Variants in CNIH3 observed in about 807,000 individuals in gnomAD.
CNIH3 encodes protein cornichon homolog 3.
In CNIH3, 14 loss-of-function variants were observed where a neutral mutation model predicts 24.1. The observed-to-expected ratio is 0.58, with a 90% CI of 0.38 to 0.91. The LOEUF is 0.91. Among genes scored for constraint, CNIH3 ranks in the 40% least tolerant of loss-of-function variants. The pLI is 0.00. For missense variants in CNIH3, 178 were observed against 196.8 expected (o/e 0.90, Z 0.57); for synonymous variants, 68 against 73.8 (o/e 0.92, Z 0.40).
At position 224,720,702 on chromosome 1, in the gene CNIH3, C is replaced by T. The variant is rs148743133; in HGVS notation, c.199-9760C>T. Among the ~76,000 whole-genome samples the T allele has an allele frequency of 4.3e-4, 66 of 152,294 alleles. 1 individual carries two copies. The highest frequency in any genetic ancestry group is 9.8e-4 in the Admixed American group (15 of 15,296). On this transcript the variant is annotated intron_variant, in intron 3 of 5. Transcript: ENST00000272133. Reference sequence around the variant, plus strand: ...ACCTGTTTCTGCCCTAGTTCCCCTTCCTGTCACCATGCTCTTCCTTGTCAG... The same window carrying T: ...ACCTGTTTCTGCCCTAGTTCCCCTTTCTGTCACCATGCTCTTCCTTGTCAG...
intron 1 of CNIH3, among the ~76,000 whole-genome samples, chr1:224,449,557 G>A (rs1675305394): frequency 6.6e-6 from 1 of 151,972 alleles, no homozygotes; most frequent in East Asian, 1.9e-4. Context: ...GTGCAGTGGG[G>A]CAATCATAGC....
At chr1:224,462,160 C>T (rs1192541589) in intron 1 of CNIH3, among the ~76,000 whole-genome samples, 1 of 152,100 alleles carries the variant, frequency 6.6e-6, no homozygotes, top group Non-Finnish European at 1.5e-5. Flanking sequence ...CCTACATTGA[C>T]ATCACTATCA....
chr1:224,510,268 C>T (rs1309550570), intron 1 of CNIH3, among the ~76,000 whole-genome samples: 2 of 152,068 alleles, frequency 1.3e-5, no homozygotes, highest in East Asian at 3.9e-4. Flanking sequence ...TTGCCCCATT[C>T]CCCATGCAAA....
At chr1:224,706,316 T>G (rs1221060703) in intron 3 of CNIH3, among the ~76,000 whole-genome samples, 1 of 152,174 alleles carries the variant, frequency 6.6e-6, no homozygotes, top group African/African-American at 2.4e-5. Flanking sequence ...CCCACTTTAC[T>G]TACTGTCTCC....
chr1:224,699,610 C>G (rs1189917350), intron 3 of CNIH3, among the ~76,000 whole-genome samples: 1 of 152,164 alleles, frequency 6.6e-6, no homozygotes, highest in African/African-American at 2.4e-5. Context: ...TTTAAGGACA[C>G]TAGTCATACC....
chr1:224,494,282 A>G (rs1262134692), intron 1 of CNIH3, among the ~76,000 whole-genome samples: 1 of 152,182 alleles, frequency 6.6e-6, no homozygotes, highest in Non-Finnish European at 1.5e-5. Flanking sequence ...TCAACGTGCT[A>G]TCTAGTCCAA....
At chr1:224,609,322 A>T (rs1682575911) in intron 3 of CNIH3, among the ~76,000 whole-genome samples, 1 of 152,170 alleles carries the variant, frequency 6.6e-6, no homozygotes, top group African/African-American at 2.4e-5. Context: ...ATCTTTTAAA[A>T]TTTTATAATA....
intron 1 of CNIH3, among the ~76,000 whole-genome samples, chr1:224,668,092 G>T (rs140077280): frequency 6.6e-5 from 10 of 152,286 alleles, no homozygotes; most frequent in African/African-American, 2.4e-4. Flanking sequence ...TGCCAAGGAT[G>T]GAGCAAAAGG....
intron 1 of CNIH3, among the ~76,000 whole-genome samples, chr1:224,445,316 C>T (rs1489020749): frequency 6.6e-6 from 1 of 151,822 alleles, no homozygotes; most frequent in Non-Finnish European, 1.5e-5. Context: ...TGGCTCACAC[C>T]TATAATCTCA....
At chr1:224,502,414 C>T (rs1370140151) in intron 1 of CNIH3, among the ~76,000 whole-genome samples, 1 of 152,192 alleles carries the variant, frequency 6.6e-6, no homozygotes, top group Non-Finnish European at 1.5e-5. Context: ...CTGAAAGGCA[C>T]AGCCATGGAG....
chr1:224,578,419 G>A (rs574082498), intron 4 of CNIH3, among the ~76,000 whole-genome samples: 53 of 152,232 alleles, frequency 3.5e-4, no homozygotes, highest in Middle Eastern at 3.4e-3. Context: ...GGCTACTTAT[G>A]CTCTATGCCT....
rs546311655 is a variant in CNIH3 at position 224,560,965 on chromosome 1, A to G, written n.451-5234A>G. Among the ~76,000 whole-genome samples the G allele has an allele frequency of 7.9e-5, 12 of 152,032 alleles. No individual in the cohort carries two copies. The East Asian group carries it at 2.3e-3, about 29-fold the overall frequency. On this transcript the variant is annotated intron_variant and non_coding_transcript_variant, in intron 3 of 5. Transcript: ENST00000471578. Reference sequence around the variant, plus strand: ...AATGTATCTCGTGATTTCAATTTGCATTTCCCTCGTGATTAATGATATTCA... The same window carrying G: ...AATGTATCTCGTGATTTCAATTTGCGTTTCCCTCGTGATTAATGATATTCA...
chr1:224,654,867 T>G (rs113072479), intron 1 of CNIH3, among the ~76,000 whole-genome samples: 64 of 152,342 alleles, frequency 4.2e-4, no homozygotes, highest in African/African-American at 1.4e-3. Flanking sequence ...TTGAAAACTT[T>G]GATCGGCCGT....
chr1:224,644,490 G>A (rs984159710), intron 1 of CNIH3, among the ~76,000 whole-genome samples: 1 of 152,160 alleles, frequency 6.6e-6, no homozygotes, highest in Admixed American at 6.5e-5. Context: ...GATGTCTGAG[G>A]CGATGTCTGG....
intron 1 of CNIH3, among the ~76,000 whole-genome samples, chr1:224,499,446 A>G (rs1000930443): frequency 3.9e-5 from 6 of 152,136 alleles, no homozygotes; most frequent in Non-Finnish European, 8.8e-5. Context: ...ATGACTAATC[A>G]ATCGTTGTTT....
intron 4 of CNIH3, among the ~76,000 whole-genome samples, chr1:224,566,518 C>T (rs1197022154): frequency 6.6e-6 from 1 of 152,144 alleles, no homozygotes; most frequent in African/African-American, 2.4e-5. Flanking sequence ...CTATCCCTCC[C>T]CTATCCCCCA....
At chr1:224,529,169 A>C (rs1678963692) in intron 2 of CNIH3, 1 of 152,134 alleles carries the variant, frequency 6.6e-6, no homozygotes, top group South Asian at 2.1e-4. Context: ...AGCTTGTTTA[A>C]GTTTGTAAGT....
At chr1:224,494,168 G>A (rs1485897455) in intron 1 of CNIH3, among the ~76,000 whole-genome samples, 1 of 152,194 alleles carries the variant, frequency 6.6e-6, no homozygotes, top group African/African-American at 2.4e-5. Flanking sequence ...TTTATCAGCA[G>A]TGTTGGTATT....
chr1:224,674,272 G>GTTTTTTTTTTTTTTTTTTTTTTTT (rs71170028), intron 1 of CNIH3, among the ~76,000 whole-genome samples: 4 of 72,062 alleles, frequency 5.6e-5, no homozygotes, highest in African/African-American at 1.1e-4. Context: ...TTCCAGGAAG[G>GTTTTTTTTTTTTTTTTTTTTTTTT]TTTTTTTTTT....
Sources: allele counts gnomAD v4.1 joint callset (sites outside exome capture counted in the v4.1 genomes callset), GRCh38; gene constraint gnomAD v4.1.1; transcripts MANE v1.5; gene names NCBI Gene and HGNC (gene_info 2026-07-23, HGNC 2026-07-21).